Variants in BCHE observed in about 807,000 individuals in gnomAD.
BCHE encodes the protein butyrylcholinesterase.
In BCHE, 48 loss-of-function variants were observed where a neutral mutation model predicts 51.3. The observed-to-expected ratio is 0.94, with a 90% CI of 0.74 to 1.19. BCHE has a LOEUF of 1.19. Ranked by LOEUF, BCHE falls within the 50% of genes most tolerant of loss-of-function variation. The probability of loss-of-function intolerance (pLI) is 0.00; values close to 1 mark genes in which losing one functional copy is unlikely to be tolerated. For synonymous variants in BCHE, 251 were observed against 238.0 expected (o/e 1.05, Z -0.50); for missense variants, 847 against 708.2 (o/e 1.20, Z -2.23).
At chr3:165,825,415 A>G in intron 2 of BCHE, among the ~76,000 whole-genome samples, 1 of 152,148 alleles carries the variant, frequency 6.6e-6, no homozygotes, top group Non-Finnish European at 1.5e-5. Flanking sequence ...CAGTCTTCAC[A>G]AATGTTGGTG....
intron 3 of BCHE, among the ~76,000 whole-genome samples, chr3:165,775,133 C>T (rs978727531): frequency 1.3e-5 from 2 of 151,928 alleles, no homozygotes; most frequent in African/African-American, 2.4e-5. Context: ...ATTAATTAAA[C>T]TTTGTAAGAT....
At chr3:165,780,802 C>A (rs1020887387) in intron 3 of BCHE, among the ~76,000 whole-genome samples, 1 of 152,074 alleles carries the variant, frequency 6.6e-6, no homozygotes, top group African/African-American at 2.4e-5. Context: ...AATCCTTTTA[C>A]GCTATTGGTG....
intron 3 of BCHE, among the ~76,000 whole-genome samples, chr3:165,775,157 A>G (rs1712415210): frequency 6.6e-6 from 1 of 152,106 alleles, no homozygotes; most frequent in African/African-American, 2.4e-5. Flanking sequence ...ACTTTGGAGG[A>G]GAAAATTTAG....
At chr3:165,807,484 G>T (rs937591921) in intron 2 of BCHE, among the ~76,000 whole-genome samples, 7 of 151,584 alleles carry the variant, frequency 4.6e-5, no homozygotes, top group African/African-American at 7.3e-5. Flanking sequence ...ATTTAATAAT[G>T]ATTGAGATAA....
intron 3 of BCHE, among the ~76,000 whole-genome samples, chr3:165,783,133 A>G (rs976111380): frequency 4.6e-5 from 7 of 152,220 alleles, no homozygotes; most frequent in South Asian, 2.1e-4. Flanking sequence ...TTCTTCATGT[A>G]TTTGAGTGTT....
intron 2 of BCHE, among the ~76,000 whole-genome samples, chr3:165,800,449 A>G (rs1333024790): frequency 6.6e-6 from 1 of 152,072 alleles, no homozygotes; most frequent in East Asian, 1.9e-4. Context: ...TGTCTTTATT[A>G]ATACCAAATA....
intron 3 of BCHE, among the ~76,000 whole-genome samples, chr3:165,775,298 A>G (rs1712421704): frequency 6.6e-6 from 1 of 151,958 alleles, no homozygotes; most frequent in South Asian, 2.1e-4. Flanking sequence ...AAAATATTTG[A>G]AAGTTTACAT....
intron 1 of BCHE, among the ~76,000 whole-genome samples, chr3:165,836,989 T>C (rs1715212543): frequency 1.3e-5 from 2 of 152,194 alleles, no homozygotes; most frequent in Admixed American, 6.6e-5. Context: ...TAAGCCAGTA[T>C]GAAATGTTTT....
At chr3:165,773,924 G>A (rs76552760) in intron 3 of BCHE, among the ~76,000 whole-genome samples, 8,055 of 152,036 alleles carry the variant, frequency 0.053, 284 homozygotes, top group Non-Finnish European at 0.079. Context: ...TATTTCTGAT[G>A]AAAATTATAT....
At chr3:165,821,811 G>C (rs1714531271) in intron 2 of BCHE, among the ~76,000 whole-genome samples, 1 of 151,696 alleles carries the variant, frequency 6.6e-6, no homozygotes. Flanking sequence ...AAAATACCTT[G>C]TGTATTAACA....
chr3:165,830,242 A>T lies in BCHE; in HGVS notation c.792T>A (p.Leu264=). The T allele has an allele frequency of 6.2e-7, 1 of 1,613,974 alleles. No individual in the cohort carries two copies. The highest frequency in any genetic ancestry group is 8.5e-7 in the Non-Finnish European group (1 of 1,179,922). ...SFNAPWAVTS[L]YEARNRTLNL... ...TCAACGTTCTGTTCCTAGCTTCATA[A>T]AGAGATGTTACCGCCCAAGGAGCAT... The change falls in exon 2 of 4, where the codon CTT becomes CTA. Residue 264 remains leucine, a synonymous_variant. Transcript: ENST00000264381.
chr3:165,793,642 C>T (rs1286083962), intron 2 of BCHE, among the ~76,000 whole-genome samples: 2 of 152,172 alleles, frequency 1.3e-5, no homozygotes, highest in Admixed American at 1.3e-4. Context: ...TCACAAATGA[C>T]AATTTCCGTA....
chr3:165,830,840 G>A lies in BCHE; in HGVS notation c.194C>T (p.Pro65Leu). Reference sequence around the variant, plus strand: ...CTTTTTGAATCGAAGTCTACCAAGAGGTGGCTGTGCATAGGGAATTCCAAG... The same window carrying A: ...CTTTTTGAATCGAAGTCTACCAAGAAGTGGCTGTGCATAGGGAATTCCAAG... Reference protein sequence around the residue: ...AFLGIPYAQPPLGRLRFKKPQ... With the variant: ...AFLGIPYAQPLLGRLRFKKPQ... Residue 65 changes from proline (P) to leucine (L), a missense_variant, in exon 2 of 4, where the codon CCT (proline) becomes CTT (leucine). Coordinates refer to ENST00000264381, the MANE Select transcript of BCHE (RefSeq NM_000055.4). 2 of 1,613,922 alleles carry A rather than the reference G, an allele frequency of 1.2e-6. No homozygotes were observed. Among genetic ancestry groups the A allele is most frequent in the Non-Finnish European group, 1.7e-6 (2 of 1,179,922 alleles).
At chr3:165,797,405 G>A (rs570796793) in intron 2 of BCHE, among the ~76,000 whole-genome samples, 17 of 131,900 alleles carry the variant, frequency 1.3e-4, no homozygotes, top group African/African-American at 5.0e-4. Context: ...TTATTCATTA[G>A]CTGGGCAAGT....
Position 165,830,526 on chromosome 3 carries a change from C to T in BCHE, c.508G>A (p.Val170Met), listed in dbSNP as rs527843566. ...FLARVERVIV[V>M]SMNYRVGALG... ...GCACCCACCCTATAGTTCATTGACA[C>T]TACAATAACTCTTTCAACCCGAGCC... Residue 170 changes from valine to methionine, a missense_variant, in exon 2 of 4, where the codon GTG becomes ATG. Val to Met is a conservative substitution (Grantham distance 21). Coordinates refer to ENST00000264381, the MANE Select transcript of BCHE (RefSeq NM_000055.4). 3.2e-5 allele frequency: 51 copies of T among 1,613,846 alleles called. No individual in the cohort carries two copies. Among genetic ancestry groups the T allele is most frequent in the Non-Finnish European group, 4.3e-5 (51 of 1,179,950 alleles).
At chr3:165,794,998 A>G (rs150536444) in intron 2 of BCHE, among the ~76,000 whole-genome samples, 265 of 152,240 alleles carry the variant, frequency 1.7e-3, no homozygotes, top group African/African-American at 6.2e-3. Flanking sequence ...CTAGGAAAAT[A>G]TACACTGAAA....
At chr3:165,802,389 G>T (rs1333678013) in intron 2 of BCHE, among the ~76,000 whole-genome samples, 1 of 152,154 alleles carries the variant, frequency 6.6e-6, no homozygotes, top group East Asian at 1.9e-4. Flanking sequence ...GCAGTGCTAA[G>T]ATCTGGCTTA....
chr3:165,796,925 T>C (rs563930099), intron 2 of BCHE, among the ~76,000 whole-genome samples: 18 of 152,220 alleles, frequency 1.2e-4, no homozygotes, highest in African/African-American at 4.3e-4. Flanking sequence ...TGAACAAAGC[T>C]TTCATGGTCT....
At chr3:165,808,069 C>T (rs1049812128) in intron 2 of BCHE, among the ~76,000 whole-genome samples, 2 of 151,884 alleles carry the variant, frequency 1.3e-5, no homozygotes, top group Non-Finnish European at 1.5e-5. Context: ...CTGCAAACTC[C>T]GCCTCAAGAG....
Sources: gnomAD v4.1 joint callset for allele counts (sites outside exome capture counted in the v4.1 genomes callset) on GRCh38, gnomAD v4.1.1 for gene constraint, MANE v1.5 for transcripts, NCBI Gene and HGNC (gene_info 2026-07-23, HGNC 2026-07-21) for gene names.